SDAD1: variants seen among roughly 807,000 people sequenced by gnomAD.
The protein encoded by SDAD1 is SDA1 domain containing 1.
A neutral mutation model predicts 100.3 loss-of-function variants in SDAD1; 79 were observed. The ratio of observed to expected loss-of-function variants is 0.79; its 90% confidence interval spans 0.66 to 0.95. SDAD1 has a LOEUF of 0.95. Among genes scored for constraint, SDAD1 ranks in the 40% least tolerant of loss-of-function variants. The pLI is 0.00. For synonymous variants in SDAD1, 267 were observed against 271.4 expected (o/e 0.98, Z 0.16); for missense variants, 790 against 810.9 (o/e 0.97, Z 0.31).
At chr4:75,989,438 T>C (rs974445300) in intron 1 of SDAD1, among the ~76,000 whole-genome samples, 1 of 152,216 alleles carries the variant, frequency 6.6e-6, no homozygotes, top group East Asian at 1.9e-4. Flanking sequence ...AAGAATGCTT[T>C]CTTATCTGTC....
At chr4:75,977,527 T>C (rs1204035756) in intron 4 of SDAD1, 119 bp downstream of exon 4, 4 of 715,872 alleles carry the variant, frequency 5.6e-6, no homozygotes, top group Non-Finnish European at 1.0e-5. Flanking sequence ...ATGCACACAA[T>C]GGTTGCTTTT....
intron 2 of SDAD1, chr4:75,981,676 AT>A: frequency 1.2e-6 from 1 of 861,598 alleles, no homozygotes; most frequent in Non-Finnish European, 1.8e-6. Context: ...TTATGGCATG[AT>A]TTAGTACCTG....
intron 11 of SDAD1, among the ~76,000 whole-genome samples, chr4:75,968,376 T>TTTTTC (rs575563020): frequency 4.0e-5 from 6 of 151,836 alleles, no homozygotes; most frequent in African/African-American, 9.7e-5. Flanking sequence ...TTGAAAAGTG[T>TTTTTC]TTTTCTTTTC....
intron 17 of SDAD1, 105 bp from the exon 18 acceptor site, chr4:75,958,046 A>T: frequency 1.1e-6 from 1 of 878,856 alleles, no homozygotes; most frequent in Non-Finnish European, 1.9e-6. Context: ...GAACAGATAC[A>T]TTATTAACCA....
chr4:75,980,606 C>G (rs543575377), intron 3 of SDAD1, among the ~76,000 whole-genome samples: 1 of 152,152 alleles, frequency 6.6e-6, no homozygotes, highest in Non-Finnish European at 1.5e-5. Context: ...TGCAGAGACA[C>G]GCAAAGCAAA....
chr4:75,963,691 C>T (rs1211231716), intron 14 of SDAD1, among the ~76,000 whole-genome samples: 1 of 152,074 alleles, frequency 6.6e-6, no homozygotes, highest in South Asian at 2.1e-4. Flanking sequence ...CCTCTGTTGG[C>T]TCTTGTGCTC....
At chr4:75,962,902 T>C (rs933219051) in intron 14 of SDAD1, among the ~76,000 whole-genome samples, 3 of 152,226 alleles carry the variant, frequency 2.0e-5, no homozygotes, top group African/African-American at 7.2e-5. Context: ...TTTAACTAGA[T>C]CCCACCTGTC....
rs537130432 is a variant in SDAD1 at position 75,950,693 on chromosome 4, T to C, written c.*57A>G. The C allele has an allele frequency of 1.0e-5, 13 of 1,289,918 alleles. No individual in the cohort carries two copies. The highest frequency in any genetic ancestry group is 1.4e-5 in the Non-Finnish European group (13 of 903,566). The allele number at this position is 1,289,918 out of a possible 1,614,324, so 79.9% of individuals were successfully genotyped here. ...AACAAACATGCTTGATTTACCAATTTTCAGAGCAAGGACACAAACTTAGCA... is the reference window on the plus strand; with the variant it reads ...AACAAACATGCTTGATTTACCAATTCTCAGAGCAAGGACACAAACTTAGCA... On this transcript the variant is annotated 3_prime_UTR_variant, in exon 22 of 22. Transcript: ENST00000356260.
intron 1 of SDAD1, 35 bp from the exon 2 acceptor site, chr4:75,982,072 T>C: frequency 7.5e-7 from 1 of 1,324,560 alleles, no homozygotes; most frequent in Non-Finnish European, 1.1e-6. Context: ...TGTCACATTG[T>C]ATTACATGAC....
intron 10 of SDAD1, 40 bp from the exon 11 acceptor site, chr4:75,969,439 T>C (rs374409709): frequency 1.7e-5 from 23 of 1,346,930 alleles, no homozygotes; most frequent in Non-Finnish European, 2.3e-5. Flanking sequence ...TGTGAGTCTA[T>C]GGTCTATGTG....
chr4:75,979,360 C>G (rs1730355661), intron 3 of SDAD1, among the ~76,000 whole-genome samples: 1 of 152,094 alleles, frequency 6.6e-6, no homozygotes, highest in Admixed American at 6.5e-5. Context: ...TTGGTTATCC[C>G]AATAACCAAT....
At chr4:75,989,273 C>T (rs944990468) in intron 1 of SDAD1, among the ~76,000 whole-genome samples, 1 of 152,128 alleles carries the variant, frequency 6.6e-6, no homozygotes, top group East Asian at 1.9e-4. Context: ...ATGATGTTTA[C>T]CTGCCTGGCT....
At position 75,981,397 on chromosome 4, in the gene SDAD1, G is replaced by C; in HGVS notation, c.269C>G (p.Thr90Ser). The change falls in exon 3 of 22, where the codon ACC becomes AGC. Residue 90 changes from threonine (T) to serine (S), a missense_variant. Transcript: ENST00000356260. ...CATTCGCAGATCTGGATCCAATACG[G>C]TATGATTGCAGGAGAGAAGATCTTT... The part of the protein sequence containing the change: ...EVKDLLSCNH[T>S]VLDPDLRMTF... 1 of 1,613,850 alleles carries C rather than the reference G, an allele frequency of 6.2e-7. No homozygotes were observed. Among genetic ancestry groups the C allele is most frequent in the Non-Finnish European group, 8.5e-7 (1 of 1,179,786 alleles).
intron 16 of SDAD1, among the ~76,000 whole-genome samples, chr4:75,960,402 T>C (rs1240814416): frequency 6.6e-6 from 1 of 152,074 alleles, no homozygotes; most frequent in Non-Finnish European, 1.5e-5. Flanking sequence ...TCAGCCTCCC[T>C]AGTAGTTGGG....
At chr4:75,978,742 G>A (rs971328167) in intron 3 of SDAD1, among the ~76,000 whole-genome samples, 1 of 151,862 alleles carries the variant, frequency 6.6e-6, no homozygotes, top group Non-Finnish European at 1.5e-5. Context: ...TTGGGAGGCT[G>A]AGGTGGGAGA....
chr4:75,966,046 C>T (rs1729519987), intron 12 of SDAD1, among the ~76,000 whole-genome samples: 1 of 152,078 alleles, frequency 6.6e-6, no homozygotes, highest in Non-Finnish European at 1.5e-5. Context: ...CAATGTAAAA[C>T]AGAACCCGTC....
Position 75,950,379 on chromosome 4 carries a change from C to T in SDAD1, c.*371G>A, listed in dbSNP as rs1189795234. The T allele has an allele frequency of 5.6e-6, 1 of 177,302 alleles. No homozygotes were observed. The highest frequency in any genetic ancestry group is 1.2e-5 in the Non-Finnish European group (1 of 82,824). 11.0% of individuals were successfully genotyped at this position (177,302 alleles called of 1,614,324 possible). ...TATGGAGTTAACCTCTACTACAGAA[C>T]TATTTACACTGCACTGTAAATACAC... On this transcript the variant is annotated 3_prime_UTR_variant, in exon 22 of 22. Transcript: ENST00000356260.
intron 12 of SDAD1, 112 bp from the exon 13 acceptor site, chr4:75,965,934 A>G (rs1448557394): frequency 3.8e-6 from 3 of 798,008 alleles, no homozygotes; most frequent in Admixed American, 5.0e-5. Flanking sequence ...TGCGTATTCC[A>G]CCTGGAACAC....
intron 6 of SDAD1, among the ~76,000 whole-genome samples, chr4:75,975,439 C>G (rs564196476): frequency 6.6e-6 from 1 of 152,322 alleles, no homozygotes; most frequent in East Asian, 1.9e-4. Context: ...TAAACTTTTA[C>G]TAACTCTAAG....
Sources: allele counts gnomAD v4.1 joint callset (sites outside exome capture counted in the v4.1 genomes callset), GRCh38; gene constraint gnomAD v4.1.1; transcripts MANE v1.5; gene names NCBI Gene and HGNC (gene_info 2026-07-23, HGNC 2026-07-21).